SCN3A: variants seen among roughly 807,000 people sequenced by gnomAD.
SCN3A encodes sodium channel protein type 3 subunit alpha.
Under a neutral mutation model 187.6 loss-of-function variants are expected in SCN3A, and 60 were observed. That is an observed-to-expected ratio of 0.32 (90% CI 0.26 to 0.40). The LOEUF is 0.40. SCN3A is among the 10% of genes least tolerant of loss of function. SCN3A has a pLI of 1.00. For synonymous variants in SCN3A, 788 were observed against 829.2 expected, an observed-to-expected ratio of 0.95 and a Z score of 0.85; for missense variants, 1,601 against 2,428.2, an observed-to-expected ratio of 0.66 and a Z score of 7.16.
intron 2 of SCN3A, among the ~76,000 whole-genome samples, chr2:165,178,432 T>C (rs1460454447): frequency 1.3e-5 from 2 of 152,078 alleles, no homozygotes; most frequent in African/African-American, 4.8e-5. Flanking sequence ...CAGTCGCCAT[T>C]TTGCCCAGGC....
chr2:165,147,675 T>C (rs1034628444), intron 11 of SCN3A, among the ~76,000 whole-genome samples: 11 of 145,828 alleles, frequency 7.5e-5, no homozygotes, highest in Non-Finnish European at 3.0e-5. Flanking sequence ...TCATAGATTA[T>C]TTAATATTAT....
At chr2:165,130,972 A>C (rs1211990144) in intron 16 of SCN3A, among the ~76,000 whole-genome samples, 1 of 152,088 alleles carries the variant, frequency 6.6e-6, no homozygotes, top group Non-Finnish European at 1.5e-5. Context: ...TGTAAGGCCA[A>C]AAAAGCTTCA....
chr2:165,127,695 G>T lies in SCN3A; in HGVS notation c.3329C>A (p.Ser1110Tyr). ...TVTVPIAVGESDFENLNTEEF... is the reference protein window; with the variant it reads ...TVTVPIAVGEYDFENLNTEEF... ...TTCAGTATTTAAGTTTTCAAAGTCA[G>T]ACTCTCCAACAGCAATTGGCACTGT... Residue 1110 changes from serine (S) to tyrosine (Y), a missense_variant, in exon 18 of 28, where the codon TCT becomes TAT. Physicochemically the swap from Ser to Tyr is moderately radical, Grantham distance 144. Coordinates refer to ENST00000283254, the MANE Select transcript of SCN3A (RefSeq NM_006922.4). 6.2e-7 allele frequency: 1 copy of T among 1,614,142 alleles called. No homozygotes were observed. Among genetic ancestry groups the T allele is most frequent in the South Asian group, 1.1e-5 (1 of 91,080 alleles).
At position 165,140,759 on chromosome 2, in the gene SCN3A, C is replaced by A; in HGVS notation, c.1911G>T (p.Gly637=). ...TGTGCATCTTCCCATTTGCTGGAAG[C>A]CCTGGCACCATCCTGGATGACATAC... ...QASMSSRMVP[G]LPANGKMHST... is the part of the protein sequence containing the mutation. The change falls in exon 13 of 28, where the codon GGG becomes GGT. Residue 637 remains glycine, a synonymous_variant. Coordinates refer to ENST00000283254, the MANE Select transcript of SCN3A (RefSeq NM_006922.4). This position sits in a 1 kb window ranked among gnomAD's most constrained non-coding sequence, Gnocchi z 4.2. 1.9e-6 allele frequency: 3 copies of A among 1,614,064 alleles called. No individual in the cohort carries two copies. Among genetic ancestry groups the A allele is most frequent in the Non-Finnish European group, 2.5e-6 (3 of 1,179,988 alleles).
chr2:165,128,178 A>G lies in SCN3A; in HGVS notation c.2923-77T>C. ...ATAACAGCCTAAAAAGGGAACTCATAGATCTTTGCTAAAATTATTTCAACA... is the reference window on the plus strand; with the variant it reads ...ATAACAGCCTAAAAAGGGAACTCATGGATCTTTGCTAAAATTATTTCAACA... On this transcript the variant is annotated intron_variant, in intron 17 of 27. Coordinates refer to ENST00000283254, the MANE Select transcript of SCN3A (RefSeq NM_006922.4). 5 of 1,118,384 alleles carry G rather than the reference A, an allele frequency of 4.5e-6. No individual in the cohort carries two copies. In the South Asian group the frequency reaches 7.4e-5, roughly 17 times the overall value. 69.3% of individuals were successfully genotyped at this position (1,118,384 alleles called of 1,614,324 possible).
intron 11 of SCN3A, among the ~76,000 whole-genome samples, chr2:165,150,503 T>C (rs1688628844): frequency 6.6e-6 from 1 of 152,224 alleles, no homozygotes; most frequent in Non-Finnish European, 1.5e-5. Flanking sequence ...CCAATCAGTA[T>C]TATACTTTAC....
chr2:165,095,407 A>G (rs1685320314), intron 25 of SCN3A, 104 bp downstream of exon 25: 2 of 1,205,586 alleles, frequency 1.7e-6, no homozygotes, highest in East Asian at 4.8e-5. Flanking sequence ...AAAATAATAT[A>G]AACATGATTT....
intron 9 of SCN3A, among the ~76,000 whole-genome samples, chr2:165,161,137 CTTTTTTTT>C (rs61608647): frequency 5.2e-4 from 49 of 93,406 alleles, no homozygotes; most frequent in African/African-American, 1.4e-3. Context: ...TTCTTTCTTT[CTTTTTTTT>C]TTTTTTTTTT....
Position 165,106,605 on chromosome 2 carries a change from C to T in SCN3A, c.3844-6181G>A, listed in dbSNP as rs964761286. Among the ~76,000 whole-genome samples, 5 of 152,158 alleles carry T rather than the reference C, an allele frequency of 3.3e-5. No individual in the cohort carries two copies. In the South Asian group the frequency reaches 8.3e-4, roughly 25 times the overall value. ...CTGTGCCTCAATTTTCCCATCTACA[C>T]ACTAGGAAAGTAACAGTAGATGCTG... On this transcript the variant is annotated intron_variant, in intron 21 of 27. Coordinates refer to ENST00000283254, the MANE Select transcript of SCN3A (RefSeq NM_006922.4).
At chr2:165,096,422 CAT>C (rs777057095) in intron 24 of SCN3A, 43 bp downstream of exon 24, 3 of 1,471,878 alleles carry the variant, frequency 2.0e-6, no homozygotes, top group Non-Finnish European at 2.9e-6. Flanking sequence ...CAATATTCAC[CAT>C]AAGAAATCTA....
intron 1 of SCN3A, among the ~76,000 whole-genome samples, chr2:165,188,827 A>AAAAG (rs1691409416): frequency 6.7e-6 from 1 of 148,586 alleles, no homozygotes; most frequent in Non-Finnish European, 1.5e-5. Context: ...AAAAAAAAAA[A>AAAAG]GAATCACTTG....
In SCN3A at chr2:165,155,907, TAA is replaced by T. The variant is rs1444479425; in HGVS notation, c.1032-6_1032-5del. 1 of 1,614,072 alleles carries T rather than the reference TAA, an allele frequency of 6.2e-7. No homozygotes were observed. Among genetic ancestry groups the T allele is most frequent in the Non-Finnish European group, 8.5e-7 (1 of 1,179,984 alleles). ...GATGTATCCTTCTGGACACTGGCTATAAGAGAGAGAAATGGAGGTAGGGTCAG... is the reference window on the plus strand; with the variant it reads ...GATGTATCCTTCTGGACACTGGCTATGAGAGAGAAATGGAGGTAGGGTCAG... On this transcript the variant is annotated splice_region_variant and splice_polypyrimidine_tract_variant and intron_variant, in intron 9 of 27. Coordinates refer to ENST00000283254, the MANE Select transcript of SCN3A (RefSeq NM_006922.4).
chr2:165,163,539 A>G, intron 7 of SCN3A, 79 bp downstream of exon 7: 1 of 1,478,842 alleles, frequency 6.8e-7, no homozygotes, highest in Non-Finnish European at 9.3e-7. Flanking sequence ...ATAAGCAACA[A>G]GGCTAATGCT....
chr2:165,175,086 C>T lies in SCN3A; in HGVS notation c.264+1045G>A, dbSNP rs1370184897. On this transcript the variant is annotated intron_variant, in intron 3 of 27. Transcript: ENST00000283254. ...CTTATTTAGAACAACAGGACTAATT[C>T]CATGTCTGAATGGTTGTCATTGCCT... is the stretch of plus-strand genomic sequence containing the variant. 2.0e-5 allele frequency among the ~76,000 whole-genome samples: 3 copies of T among 152,242 alleles called. No individual in the cohort carries two copies. In the East Asian group the frequency reaches 5.8e-4, roughly 29 times the overall value.
intron 1 of SCN3A, chr2:165,195,144 C>T (rs952540731): frequency 6.6e-6 from 1 of 152,146 alleles, no homozygotes; most frequent in African/African-American, 2.4e-5. Flanking sequence ...AGCAACCAAA[C>T]TGCTGAAGAC....
chr2:165,194,601 C>G (rs1033389164), intron 1 of SCN3A, among the ~76,000 whole-genome samples: 1 of 152,016 alleles, frequency 6.6e-6, no homozygotes, highest in Non-Finnish European at 1.5e-5. Flanking sequence ...ACTTGAAGAT[C>G]AGTTGCTGAA....
chr2:165,130,294 A>C lies in SCN3A; in HGVS notation c.2568T>G (p.Leu856=), dbSNP rs1368699425. ...AGGATTTTGCCAACTTGAAAACTCT[A>C]AGCTGTAATCAAGTGAAAAGATGCT... ...GLSVLRSFRL[L]RVFKLAKSWP... is the part of the protein sequence containing the mutation. The change falls in exon 17 of 28, where the codon CTT becomes CTG. Residue 856 remains leucine (L), a splice_region_variant and synonymous_variant. Transcript: ENST00000283254. 2.5e-6 allele frequency: 4 copies of C among 1,613,982 alleles called. No individual in the cohort carries two copies. In the South Asian group the frequency reaches 4.4e-5, roughly 18 times the overall value.
chr2:165,120,016 A>T (rs2105733781), intron 18 of SCN3A, among the ~76,000 whole-genome samples: 1 of 152,250 alleles, frequency 6.6e-6, no homozygotes, highest in Admixed American at 6.5e-5. Flanking sequence ...TAAAGGTTAA[A>T]TTTTTCCATC....
intron 2 of SCN3A, among the ~76,000 whole-genome samples, chr2:165,180,925 G>C (rs959121144): frequency 6.6e-6 from 1 of 151,964 alleles, no homozygotes; most frequent in Non-Finnish European, 1.5e-5. Context: ...TTTGTTTATC[G>C]GGGGACTTAG....
Sources: gnomAD v4.1 joint callset for allele counts (sites outside exome capture counted in the v4.1 genomes callset) on GRCh38, gnomAD v4.1.1 for gene constraint, Gnocchi (gnomAD v3.1) non-coding constraint, MANE v1.5 for transcripts, NCBI Gene and HGNC (gene_info 2026-07-23, HGNC 2026-07-21) for gene names.